Variants in UBE3A observed in about 807,000 individuals in gnomAD.
The protein encoded by UBE3A is ubiquitin protein ligase E3A, also known as ubiquitin-protein ligase E3A.
In UBE3A, 6 loss-of-function variants were observed where a neutral mutation model predicts 83.4. The observed-to-expected ratio is 0.07, with a 90% CI of 0.04 to 0.14. The LOEUF (loss-of-function observed/expected upper bound fraction) is 0.14. Among genes scored for constraint, UBE3A ranks in the 10% least tolerant of loss-of-function variants. The probability of loss-of-function intolerance (pLI) is 1.00; values close to 1 mark genes in which losing one functional copy is unlikely to be tolerated. For missense variants in UBE3A, 456 were observed against 1,036.1 expected (o/e 0.44, Z 7.69); for synonymous variants, 337 against 355.4 (o/e 0.95, Z 0.58).
chr15:25,353,963 C>G (rs1291076736), intron 11 of UBE3A: 4 of 247,132 alleles, frequency 1.6e-5, no homozygotes, highest in Non-Finnish European at 7.9e-6. Context: ...TACCATTTCA[C>G]TCAAAAAGTG....
intron 11 of UBE3A, among the ~76,000 whole-genome samples, chr15:25,341,447 T>C (rs775440745): frequency 9.9e-5 from 15 of 151,842 alleles, no homozygotes; most frequent in Non-Finnish European, 2.1e-4. Context: ...TAATATAAAA[T>C]GCATTTTAAT....
At chr15:25,381,781 T>C (rs1566999166) in intron 4 of UBE3A, among the ~76,000 whole-genome samples, 1 of 152,170 alleles carries the variant, frequency 6.6e-6, no homozygotes, top group Non-Finnish European at 1.5e-5. Context: ...GTTCTAGGCC[T>C]TGTAGAAATA....
rs1253229523 is a variant in UBE3A at position 25,336,025 on chromosome 15, T to C, written c.*3112A>G. ...GCATTAGTAGCCTTTCACAGTGATA[T>C]CTACCCCACACCTGCATCAAAATCT... On this transcript the variant is annotated 3_prime_UTR_variant, in exon 13 of 13. Coordinates refer to ENST00000648336, the MANE Select transcript of UBE3A (RefSeq NM_130839.5). 1 of 152,156 alleles carries C rather than the reference T, an allele frequency of 6.6e-6. No homozygotes were observed. The highest frequency in any genetic ancestry group is 2.4e-5 in the African/African-American group (1 of 41,428). The allele number at this position is 152,156 out of a possible 1,614,324, so 9.4% of individuals were successfully genotyped here.
At chr15:25,423,964 C>T (rs373837052) in intron 1 of UBE3A, among the ~76,000 whole-genome samples, 67 of 152,224 alleles carry the variant, frequency 4.4e-4, no homozygotes, top group African/African-American at 1.6e-3. Context: ...ATTTCAGTCA[C>T]GTCTTAATCT....
At chr15:25,361,596 GTTTGT>G (rs2078119585) in intron 6 of UBE3A, among the ~76,000 whole-genome samples, 1 of 151,914 alleles carries the variant, frequency 6.6e-6, no homozygotes, top group Non-Finnish European at 1.5e-5. Flanking sequence ...ACTGCATTTT[GTTTGT>G]TTTACTTTAT....
chr15:25,384,243 A>ACGT (rs762711748), intron 4 of UBE3A, among the ~76,000 whole-genome samples: 1 of 152,094 alleles, frequency 6.6e-6, no homozygotes, highest in Non-Finnish European at 1.5e-5. Context: ...GCTGATCACG[A>ACGT]GGTCAAGAGA....
At chr15:25,340,540 G>A (rs1278068223) in intron 11 of UBE3A, among the ~76,000 whole-genome samples, 1 of 152,124 alleles carries the variant, frequency 6.6e-6, no homozygotes, top group Non-Finnish European at 1.5e-5. Flanking sequence ...TATGCAGTCA[G>A]TAATGAGCAA....
In UBE3A at chr15:25,336,693, G is replaced by A. The variant is rs1464231894; in HGVS notation, c.*2444C>T. 6.6e-6 allele frequency: 1 copy of A among 152,074 alleles called. No homozygotes were observed. The highest frequency in any genetic ancestry group is 1.5e-5 in the Non-Finnish European group (1 of 67,970). The allele number at this position is 152,074 out of a possible 1,614,324, so 9.4% of individuals were successfully genotyped here. ...AAGTTTGGCTGCAGGCTGTTTTCAT[G>A]TTTTATGTATGTTTGAAATGTTCTA... On this transcript the variant is annotated 3_prime_UTR_variant, in exon 13 of 13. Transcript: ENST00000648336.
intron 7 of UBE3A, among the ~76,000 whole-genome samples, chr15:25,358,893 C>T (rs1165494267): frequency 1.3e-5 from 2 of 152,128 alleles, no homozygotes; most frequent in African/African-American, 4.8e-5. Context: ...TTAACAGGAT[C>T]AAGAACAGCT....
chr15:25,371,808 C>A lies in UBE3A; in HGVS notation c.366G>T (p.Val122=). Residue 122 remains valine (V), a synonymous_variant, in exon 6 of 13, where the codon GTG becomes GTT. Coordinates refer to ENST00000648336, the MANE Select transcript of UBE3A (RefSeq NM_130839.5). The surrounding 1 kb of genome is among the most constrained non-coding windows in gnomAD (Gnocchi z 5.3). Reference sequence around the variant, plus strand: ...ATACCTTCTCTTCTGTTAAGTAAGTCACATCTAGAAAATCAGAGGAAAAAA... The same window carrying A: ...ATACCTTCTCTTCTGTTAAGTAAGTAACATCTAGAAAATCAGAGGAAAAAA... ...KKGARIDFKD[V]TYLTEEKVYE... 1 of 1,607,744 alleles carries A rather than the reference C, an allele frequency of 6.2e-7. No homozygotes were observed. The highest frequency in any genetic ancestry group is 1.1e-5 in the South Asian group (1 of 90,728).
At chr15:25,349,663 G>C (rs2076213686) in intron 11 of UBE3A, among the ~76,000 whole-genome samples, 1 of 152,092 alleles carries the variant, frequency 6.6e-6, no homozygotes, top group African/African-American at 2.4e-5. Context: ...TTTTACCATA[G>C]ATTTTAGCAA....
At chr15:25,347,238 G>A (rs1434964470) in intron 11 of UBE3A, 2 of 152,180 alleles carry the variant, frequency 1.3e-5, no homozygotes, top group Admixed American at 6.5e-5. Flanking sequence ...TACAAAAACT[G>A]TAATAGCATT....
At chr15:25,365,515 G>T (rs1014564524) in intron 6 of UBE3A, among the ~76,000 whole-genome samples, 19 of 151,992 alleles carry the variant, frequency 1.3e-4, no homozygotes, top group Non-Finnish European at 2.1e-4. Context: ...CTGGGAGGCC[G>T]AGGCGGGCGG....
intron 11 of UBE3A, among the ~76,000 whole-genome samples, chr15:25,348,507 AATAAC>A (rs2076046935): frequency 6.6e-6 from 1 of 152,186 alleles, no homozygotes; most frequent in Non-Finnish European, 1.5e-5. Context: ...AACAGTAATA[AATAAC>A]ATAAACATTG....
chr15:25,368,283 T>A (rs1292974200), intron 6 of UBE3A, among the ~76,000 whole-genome samples: 1 of 152,152 alleles, frequency 6.6e-6, no homozygotes, highest in East Asian at 1.9e-4. Context: ...AATCATCACC[T>A]GCTGTGAATA....
chr15:25,414,544 A>G (rs1006568636), intron 1 of UBE3A, among the ~76,000 whole-genome samples: 3 of 152,192 alleles, frequency 2.0e-5, no homozygotes, highest in Non-Finnish European at 4.4e-5. Flanking sequence ...TCTGAAGAAA[A>G]GGAAAACCAT....
Position 25,337,081 on chromosome 15 carries a change from G to T in UBE3A, c.*2056C>A, listed in dbSNP as rs1020945535. 6.6e-6 allele frequency: 1 copy of T among 152,096 alleles called. No homozygotes were observed. The highest frequency in any genetic ancestry group is 1.5e-5 in the Non-Finnish European group (1 of 68,026). 9.4% of individuals were successfully genotyped at this position (152,096 alleles called of 1,614,324 possible). On this transcript the variant is annotated 3_prime_UTR_variant, in exon 13 of 13. Coordinates refer to ENST00000648336, the MANE Select transcript of UBE3A (RefSeq NM_130839.5). ...ATTTTTTTTCTCTAAAATTTTAAGG[G>T]TAGGTTCATTCTGACTCTGTTAAAA...
At chr15:25,366,171 C>A (rs1284061959) in intron 6 of UBE3A, among the ~76,000 whole-genome samples, 5 of 152,152 alleles carry the variant, frequency 3.3e-5, no homozygotes, top group African/African-American at 1.2e-4. Flanking sequence ...AAGCATATTT[C>A]TTGGTTTCAT....
intron 6 of UBE3A, among the ~76,000 whole-genome samples, chr15:25,367,895 A>G (rs929687094): frequency 2.0e-5 from 3 of 152,116 alleles, no homozygotes; most frequent in African/African-American, 7.2e-5. Flanking sequence ...AAAACATACA[A>G]GAGTCTCATA....
Sources: allele counts gnomAD v4.1 joint callset (sites outside exome capture counted in the v4.1 genomes callset), GRCh38; gene constraint gnomAD v4.1.1; non-coding constraint Gnocchi (gnomAD v3.1); transcripts MANE v1.5; gene names NCBI Gene and HGNC (gene_info 2026-07-23, HGNC 2026-07-21).